Variants in STXBP5 observed in about 807,000 individuals in gnomAD.
The protein encoded by STXBP5 is syntaxin-binding protein 5.
In STXBP5, 50 loss-of-function variants were observed where a neutral mutation model predicts 152.4. The ratio of observed to expected loss-of-function variants is 0.33; its 90% CI spans 0.26 to 0.42. STXBP5 has a LOEUF of 0.42. STXBP5 is among the 10% of genes least tolerant of loss of function. The pLI is 1.00. For synonymous variants in STXBP5, 492 were observed against 494.7 expected (o/e 0.99, Z 0.07); for missense variants, 1,167 against 1,388.6 (o/e 0.84, Z 2.54).
At chr6:147,311,916 G>A (rs968533573) in intron 11 of STXBP5, among the ~76,000 whole-genome samples, 2 of 152,002 alleles carry the variant, frequency 1.3e-5, no homozygotes, top group Admixed American at 1.3e-4. Flanking sequence ...TGCCAGATTC[G>A]TTTTACACAC....
intron 7 of STXBP5, among the ~76,000 whole-genome samples, chr6:147,271,583 T>G (rs1780172015): frequency 6.6e-6 from 1 of 151,806 alleles, no homozygotes; most frequent in Admixed American, 6.6e-5. Context: ...TAAGGAAAAT[T>G]AAAGTATTTT....
At chr6:147,295,661 A>G (rs1275580323) in intron 9 of STXBP5, among the ~76,000 whole-genome samples, 5 of 152,116 alleles carry the variant, frequency 3.3e-5, no homozygotes, top group African/African-American at 9.7e-5. Context: ...CCTTGTGGGG[A>G]AAACGTAAGC....
At position 147,240,487 on chromosome 6, in the gene STXBP5, T is replaced by C. The variant is rs559675284; in HGVS notation, c.431+1217T>C. On this transcript the variant is annotated intron_variant, in intron 4 of 27. Coordinates refer to ENST00000321680, the MANE Select transcript of STXBP5 (RefSeq NM_001127715.4). ...GAAATTTTTAAAATTTTGAATCTTA[T>C]AGGAATACCAAAATGGAAGTACTTG... 8.5e-5 allele frequency among the ~76,000 whole-genome samples: 13 copies of C among 152,288 alleles called. No individual in the cohort carries two copies. In the East Asian group the frequency reaches 2.1e-3, roughly 25 times the overall value.
chr6:147,361,028 A>G (rs1347240932), intron 23 of STXBP5, among the ~76,000 whole-genome samples: 3 of 152,176 alleles, frequency 2.0e-5, no homozygotes, highest in Admixed American at 6.5e-5. Context: ...CTGCACATCA[A>G]GTTGTTAGAT....
Position 147,225,622 on chromosome 6 carries a change from G to A in STXBP5, c.249-9628G>A, listed in dbSNP as rs114074027. ...TCTCATTCTTCATATAAAAGTAGAG[G>A]TTGTCAGAATATGTGTGTCAGACAT... On this transcript the variant is annotated intron_variant, in intron 2 of 27. Transcript: ENST00000321680. Among the ~76,000 whole-genome samples, 1,278 of 152,228 alleles carry A rather than the reference G, an allele frequency of 8.4e-3. 15 individuals carry two copies. Among genetic ancestry groups the A allele is most frequent in the African/African-American group, 0.028 (1,145 of 41,528 alleles).
intron 8 of STXBP5, among the ~76,000 whole-genome samples, chr6:147,283,230 C>A (rs1170749089): frequency 2.6e-5 from 4 of 152,116 alleles, no homozygotes; most frequent in Non-Finnish European, 5.9e-5. Flanking sequence ...TGTTGAAGGT[C>A]ACTGAGGGAA....
chr6:147,252,132 C>T (rs1779127961), intron 4 of STXBP5, among the ~76,000 whole-genome samples: 1 of 152,070 alleles, frequency 6.6e-6, no homozygotes, highest in South Asian at 2.1e-4. Context: ...AAAACCAGCA[C>T]AAAAAGGCTG....
intron 19 of STXBP5, among the ~76,000 whole-genome samples, chr6:147,335,642 A>G (rs1175442016): frequency 6.6e-6 from 1 of 152,140 alleles, no homozygotes; most frequent in African/African-American, 2.4e-5. Context: ...AAGTATATGA[A>G]TATAAAAAGT....
chr6:147,277,307 G>A (rs1780490552), intron 7 of STXBP5, among the ~76,000 whole-genome samples: 1 of 152,050 alleles, frequency 6.6e-6, no homozygotes. Context: ...TGCAATTCTT[G>A]CATTCCAGTA....
At chr6:147,321,934 G>T (rs939905379) in intron 16 of STXBP5, among the ~76,000 whole-genome samples, 1 of 151,990 alleles carries the variant, frequency 6.6e-6, no homozygotes, top group Non-Finnish European at 1.5e-5. Flanking sequence ...TTACCATTTT[G>T]CATCATGTTT....
At chr6:147,239,091 A>G in intron 3 of STXBP5, 79 bp from the exon 4 acceptor site, 3 of 1,265,858 alleles carry the variant, frequency 2.4e-6, no homozygotes, top group Non-Finnish European at 2.2e-6. Context: ...TGGGAAGGAG[A>G]TATTTCTGGC....
At chr6:147,320,439 A>G (rs1782867111) in intron 16 of STXBP5, among the ~76,000 whole-genome samples, 1 of 152,128 alleles carries the variant, frequency 6.6e-6, no homozygotes. Context: ...CCGGCTACAT[A>G]GGGACTCTAC....
intron 19 of STXBP5, among the ~76,000 whole-genome samples, 170 bp downstream of exon 19, chr6:147,334,392 A>G (rs1401523923): frequency 6.6e-6 from 1 of 152,194 alleles, no homozygotes; most frequent in South Asian, 2.1e-4. Context: ...GATTAAGTGG[A>G]AAGAAATGTA....
chr6:147,375,106 G>A (rs1339558340), intron 26 of STXBP5, among the ~76,000 whole-genome samples: 4 of 152,058 alleles, frequency 2.6e-5, no homozygotes, highest in Admixed American at 1.3e-4. Context: ...TTTCAAATAT[G>A]TAGTCATAGA....
At chr6:147,262,961 C>A (rs1582860627) in intron 6 of STXBP5, among the ~76,000 whole-genome samples, 1 of 151,694 alleles carries the variant, frequency 6.6e-6, no homozygotes, top group East Asian at 1.9e-4. Flanking sequence ...TCAGATAGTT[C>A]TATTTAATAA....
intron 15 of STXBP5, 123 bp from the exon 16 acceptor site, chr6:147,316,106 T>C: frequency 1.0e-6 from 1 of 1,004,062 alleles, no homozygotes; most frequent in Non-Finnish European, 1.4e-6. Flanking sequence ...TTGCTAAATT[T>C]TTACCTTTAA....
At chr6:147,213,136 T>A (rs1471347191) in intron 2 of STXBP5, among the ~76,000 whole-genome samples, 2 of 152,164 alleles carry the variant, frequency 1.3e-5, no homozygotes, top group East Asian at 3.8e-4. Context: ...GGAGTAATAA[T>A]TGCTGGGCAT....
At chr6:147,329,555 A>G (rs1783447046) in intron 18 of STXBP5, among the ~76,000 whole-genome samples, 1 of 149,948 alleles carries the variant, frequency 6.7e-6, no homozygotes, top group African/African-American at 2.4e-5. Context: ...ATTCTTCCTA[A>G]CACATGTATT....
chr6:147,317,141 G>T (rs1354385127), intron 16 of STXBP5, among the ~76,000 whole-genome samples: 2 of 152,184 alleles, frequency 1.3e-5, no homozygotes, highest in African/African-American at 4.8e-5. Context: ...AAAAGCCAGA[G>T]TGTACTAGGT....
Sources: allele counts gnomAD v4.1 joint callset (sites outside exome capture counted in the v4.1 genomes callset), GRCh38; gene constraint gnomAD v4.1.1; transcripts MANE v1.5; gene names NCBI Gene and HGNC (gene_info 2026-07-23, HGNC 2026-07-21).